ZIC4: variants seen among roughly 807,000 people sequenced by gnomAD.
ZIC4 encodes the protein Zic family zinc finger 4, also known as zinc finger protein ZIC 4.
ZIC4 carries 15 observed loss-of-function variants against 28.8 expected under a neutral mutation model. That is an observed-to-expected ratio of 0.52 (90% CI 0.35 to 0.80). The LOEUF (loss-of-function observed/expected upper bound fraction) is 0.80. Ranked by LOEUF, ZIC4 falls within the 30% of genes least tolerant of loss-of-function variation. The probability of loss-of-function intolerance (pLI) is 0.01; values close to 1 mark genes in which losing one functional copy is unlikely to be tolerated. For missense variants in ZIC4, 512 were observed against 467.1 expected, an observed-to-expected ratio of 1.10 and a Z score of -0.89; for synonymous variants, 220 against 198.1, an observed-to-expected ratio of 1.11 and a Z score of -0.93.
chr3:147,395,233 A>G (rs1397956944), intron 3 of ZIC4, among the ~76,000 whole-genome samples: 3 of 152,210 alleles, frequency 2.0e-5, no homozygotes, highest in Non-Finnish European at 2.9e-5. Context: ...TAGCAGATGT[A>G]GTTGACACAT....
At position 147,387,180 on chromosome 3, in the gene ZIC4, T is replaced by C. The variant is rs530663079; in HGVS notation, c.*1679A>G. The C allele has an allele frequency of 6.6e-6, 1 of 152,504 alleles. No individual in the cohort carries two copies. Among genetic ancestry groups the C allele is most frequent in the African/African-American group, 2.4e-5 (1 of 41,594 alleles). 9.4% of individuals were successfully genotyped at this position (152,504 alleles called of 1,614,324 possible). A position where few individuals can be genotyped will look rare whatever the true frequency, so the allele number is the denominator to read the frequency against. On this transcript the variant is annotated 3_prime_UTR_variant, in exon 5 of 5. Transcript: ENST00000383075. Reference sequence around the variant, plus strand: ...TCCCGAGGGCCCCCCAACTTCTGCATACTTCACCAGACCAGGCCCTGACCC... The same window carrying C: ...TCCCGAGGGCCCCCCAACTTCTGCACACTTCACCAGACCAGGCCCTGACCC...
rs1354419019 is a variant in ZIC4, at chr3:147,396,527, C to A, written c.71-58G>T. The A allele has an allele frequency of 6.0e-5, 89 of 1,484,378 alleles. No individual in the cohort carries two copies. The highest frequency in any genetic ancestry group is 7.6e-5 in the Non-Finnish European group (86 of 1,127,264). 92.0% of individuals were successfully genotyped at this position (1,484,378 alleles called of 1,614,324 possible). ...GGGTGGCGTGGGCTGCGCGCTCTTC[C>A]CTGGGCCCCGGGGGGCAGGCCCAGC... On this transcript the variant is annotated intron_variant, in intron 2 of 4. Coordinates refer to ENST00000383075, the MANE Select transcript of ZIC4 (RefSeq NM_032153.6). The surrounding 1 kb of genome is among the most constrained non-coding windows in gnomAD (Gnocchi z 4.2).
At chr3:147,404,381 AGGC>A in intron 1 of ZIC4, 1 of 1,011,218 alleles carries the variant, frequency 9.9e-7, no homozygotes, top group South Asian at 3.5e-5. Context: ...GGACCTTAGG[AGGC>A]TCTCTGTAGC....
intron 1 of ZIC4, among the ~76,000 whole-genome samples, chr3:147,404,661 G>T (rs1410751228): frequency 6.6e-6 from 1 of 152,178 alleles, no homozygotes; most frequent in Non-Finnish European, 1.5e-5. Flanking sequence ...TTTGGAATCT[G>T]CCCTCCTGGC....
At chr3:147,398,539 G>C (rs746016140) in intron 2 of ZIC4, among the ~76,000 whole-genome samples, 20 of 152,238 alleles carry the variant, frequency 1.3e-4, no homozygotes, top group African/African-American at 4.6e-4. Context: ...GGGGCGAGCG[G>C]TAGTCCTTTG....
intron 1 of ZIC4, among the ~76,000 whole-genome samples, chr3:147,404,857 C>T (rs937937714): frequency 1.3e-5 from 2 of 152,210 alleles, no homozygotes; most frequent in African/African-American, 4.8e-5. Flanking sequence ...AGGTCAGCTG[C>T]AGCTAGAGAC....
At position 147,396,722 on chromosome 3, in the gene ZIC4, G is replaced by C. The variant is rs942596105; in HGVS notation, c.71-253C>G. On this transcript the variant is annotated intron_variant, in intron 2 of 4. Coordinates refer to ENST00000383075, the MANE Select transcript of ZIC4 (RefSeq NM_032153.6). This position sits in a 1 kb window ranked among gnomAD's most constrained non-coding sequence, Gnocchi z 4.2. ...GAGCTAGAGAGGGATGGTAGCGGCA[G>C]AGTAGATGTAAGGGGTAATGGAAGG... 14 of 453,886 alleles carry C rather than the reference G, an allele frequency of 3.1e-5. No individual in the cohort carries two copies. In the South Asian group the frequency reaches 7.2e-4, roughly 23 times the overall value. 28.1% of individuals were successfully genotyped at this position (453,886 alleles called of 1,614,324 possible). A position where few individuals can be genotyped will look rare whatever the true frequency, so the allele number is the denominator to read the frequency against.
chr3:147,402,995 T>G lies in ZIC4; in HGVS notation c.-15-183A>C, dbSNP rs547981206. Reference sequence around the variant, plus strand: ...GGATTTTGCCGGGAACAGCCCATATTGCAAAATGATATATCTTTGGTGATA... The same window carrying G: ...GGATTTTGCCGGGAACAGCCCATATGGCAAAATGATATATCTTTGGTGATA... On this transcript the variant is annotated intron_variant, in intron 1 of 4. Transcript: ENST00000383075. Among the ~76,000 whole-genome samples the G allele has an allele frequency of 2.4e-4, 36 of 152,312 alleles. No individual in the cohort carries two copies. In the South Asian group the frequency reaches 7.5e-3, roughly 32 times the overall value.
chr3:147,402,677 A>AAGG (rs754956036), intron 2 of ZIC4, 51 bp downstream of exon 2: 10 of 1,485,652 alleles, frequency 6.7e-6, no homozygotes, highest in Non-Finnish European at 9.1e-6. Flanking sequence ...AAAGAAGAAG[A>AAGG]AGAAGAAAAG....
In ZIC4 at chr3:147,391,227, G is replaced by T. The variant is rs748897692; in HGVS notation, c.708C>A (p.Cys236Ter). ...RTHTGEKPFR[C>*]EFEGCERRFA... Reference sequence around the variant, plus strand: ...AGCGCCGCTCGCAGCCCTCGAACTCGCATCTGAAGGGCTTCTCGCCTGGCG... The same window carrying T: ...AGCGCCGCTCGCAGCCCTCGAACTCTCATCTGAAGGGCTTCTCGCCTGGCG... The change falls in exon 4 of 5, where the codon TGC becomes TGA. Residue 236 changes from cysteine (C) to a stop codon, truncating the protein, a stop_gained. Coordinates refer to ENST00000383075, the MANE Select transcript of ZIC4 (RefSeq NM_032153.6). LOFTEE classifies it high-confidence loss of function. 7 of 1,595,202 alleles carry T rather than the reference G, an allele frequency of 4.4e-6. No homozygotes were observed. Among genetic ancestry groups the T allele is most frequent in the African/African-American group, 4.0e-5 (3 of 74,642 alleles).
intron 3 of ZIC4, chr3:147,391,577 C>G (rs1031008500): frequency 1.2e-4 from 28 of 237,778 alleles, no homozygotes; most frequent in African/African-American, 5.6e-4. Flanking sequence ...ATTTTCTCCA[C>G]TTGGAACCAG....
intron 3 of ZIC4, 65 bp downstream of exon 3, chr3:147,395,782 GAGGAA>G (rs2087027241): frequency 4.5e-6 from 7 of 1,547,032 alleles, no homozygotes; most frequent in Non-Finnish European, 6.1e-6. Context: ...GTTGGGACTT[GAGGAA>G]ATCCAGACCC....
At chr3:147,404,312 C>T in intron 1 of ZIC4, 1 of 1,383,058 alleles carries the variant, frequency 7.2e-7, no homozygotes. Flanking sequence ...CTTTTGTGCA[C>T]TACAGACCCA....
intron 3 of ZIC4, chr3:147,393,852 G>A: frequency 6.6e-6 from 3 of 456,340 alleles, no homozygotes; most frequent in South Asian, 4.6e-5. Flanking sequence ...CTCCCTCCCC[G>A]AGGCACCATT....
intron 1 of ZIC4, among the ~76,000 whole-genome samples, chr3:147,404,893 G>A (rs1576465825): frequency 6.6e-6 from 1 of 152,220 alleles, no homozygotes; most frequent in African/African-American, 2.4e-5. Flanking sequence ...GCTCCTTACT[G>A]ACTAGCCGGC....
In ZIC4 at chr3:147,402,773, T is replaced by A. The variant is rs755600810; in HGVS notation, c.25A>T (p.Met9Leu). ...CGGTAAAGCCGTAATCGTTTCCTCA[T>A]CACCAAGGATGTCTTGTATCTCATT... is the stretch of plus-strand genomic sequence containing the variant. MRYKTSLV[M>L]RKRLRLYRNT... The change falls in exon 2 of 5, where the codon ATG becomes TTG. Residue 9 changes from methionine (M) to leucine (L), a missense_variant. Met to Leu is a conservative substitution (Grantham distance 15). Around this residue, in one of 3 missense-constraint regions of ZIC4, gnomAD observed 310 missense variants for 256.5 expected, o/e 1.21. Transcript: ENST00000383075. 4.3e-6 allele frequency: 7 copies of A among 1,613,850 alleles called. No homozygotes were observed. Among genetic ancestry groups the A allele is most frequent in the Non-Finnish European group, 4.2e-6 (5 of 1,179,970 alleles).
intron 1 of ZIC4, chr3:147,403,977 G>T (rs997996569): frequency 2.0e-6 from 3 of 1,536,904 alleles, no homozygotes; most frequent in Admixed American, 2.0e-5. Flanking sequence ...TTCCCAGAGG[G>T]TATTATTATT....
At position 147,387,308 on chromosome 3, in the gene ZIC4, T is replaced by C. The variant is rs1485089096; in HGVS notation, c.*1551A>G. The C allele has an allele frequency of 1.3e-5, 2 of 152,650 alleles. No individual in the cohort carries two copies. The highest frequency in any genetic ancestry group is 4.8e-5 in the African/African-American group (2 of 41,440). The allele number at this position is 152,650 out of a possible 1,614,324, so 9.5% of individuals were successfully genotyped here. ...ATTGTTTTAAAAGAAGTTTGATTTT[T>C]ATCTCTTTAGAAACGGTTTGAAACT... On this transcript the variant is annotated 3_prime_UTR_variant, in exon 5 of 5. Transcript: ENST00000383075.
At chr3:147,393,829 T>G (rs1016680934) in intron 3 of ZIC4, 7 of 454,838 alleles carry the variant, frequency 1.5e-5, no homozygotes, top group African/African-American at 1.4e-4. Flanking sequence ...CGAGCGCGGT[T>G]GCTGGCCCGC....
Sources: gnomAD v4.1 joint callset for allele counts (sites outside exome capture counted in the v4.1 genomes callset) on GRCh38, gnomAD v4.1.1 for gene constraint, gnomAD v4.1.1 regional missense constraint, Gnocchi (gnomAD v3.1) non-coding constraint, MANE v1.5 for transcripts, NCBI Gene and HGNC (gene_info 2026-07-23, HGNC 2026-07-21) for gene names.